Variants in TMEM170B observed in about 807,000 individuals in gnomAD.
The protein encoded by TMEM170B is transmembrane protein 170B.
TMEM170B carries 6 observed loss-of-function variants against 13.0 expected under a neutral mutation model. The observed-to-expected ratio is 0.46, with a 90% confidence interval of 0.25 to 0.91. TMEM170B has a LOEUF of 0.91. Among genes scored for constraint, TMEM170B ranks in the 40% least tolerant of loss-of-function variants. The pLI is 0.17. For synonymous variants in TMEM170B, 61 were observed against 64.9 expected, an observed-to-expected ratio of 0.94 and a Z score of 0.29; for missense variants, 138 against 165.2, an observed-to-expected ratio of 0.84 and a Z score of 0.90.
chr6:11,548,938 G>A (rs1020062379), intron 1 of TMEM170B, among the ~76,000 whole-genome samples: 4 of 132,578 alleles, frequency 3.0e-5, no homozygotes, highest in Non-Finnish European at 6.4e-5. Flanking sequence ...GTGGGGGGAA[G>A]GGGGAGGGAT....
Position 11,577,378 on chromosome 6 carries a change from G to C in TMEM170B, c.*1817G>C, listed in dbSNP as rs1462709361. On this transcript the variant is annotated 3_prime_UTR_variant, in exon 3 of 3. Coordinates refer to ENST00000379426, the MANE Select transcript of TMEM170B (RefSeq NM_001100829.3). ...GTTTTCATGTGTTCTTTATATTCCT[G>C]ATGTTTTTACAAATTAAATTTAGGC... The C allele has an allele frequency of 6.6e-6, 1 of 151,990 alleles. No individual in the cohort carries two copies. Among genetic ancestry groups the C allele is most frequent in the Non-Finnish European group, 1.5e-5 (1 of 67,934 alleles). The allele number at this position is 151,990 out of a possible 1,614,324, so 9.4% of individuals were successfully genotyped here.
At chr6:11,556,713 G>A (rs1759594344) in intron 1 of TMEM170B, among the ~76,000 whole-genome samples, 1 of 152,102 alleles carries the variant, frequency 6.6e-6, no homozygotes. Flanking sequence ...CTGGGTCCTG[G>A]ATGGTTTTCT....
In TMEM170B at chr6:11,581,980, A is replaced by G. The variant is rs1165386677; in HGVS notation, c.*6419A>G. 6.6e-6 allele frequency: 1 copy of G among 152,124 alleles called. No homozygotes were observed. Among genetic ancestry groups the G allele is most frequent in the East Asian group, 1.9e-4 (1 of 5,200 alleles). 9.4% of individuals were successfully genotyped at this position (152,124 alleles called of 1,614,324 possible). On this transcript the variant is annotated 3_prime_UTR_variant, in exon 3 of 3. Coordinates refer to ENST00000379426, the MANE Select transcript of TMEM170B (RefSeq NM_001100829.3). ...CATTTACAATGGAAGAATTTTTTTGAAAGATTTGGCCCTCTCACCAATACA... is the reference window on the plus strand; with the variant it reads ...CATTTACAATGGAAGAATTTTTTTGGAAGATTTGGCCCTCTCACCAATACA...
At chr6:11,553,727 GTTTC>G (rs1179679345) in intron 1 of TMEM170B, among the ~76,000 whole-genome samples, 1 of 152,138 alleles carries the variant, frequency 6.6e-6, no homozygotes, top group African/African-American at 2.4e-5. Context: ...ACATAAACTT[GTTTC>G]TTTAATCTTT....
At chr6:11,568,652 C>A (rs1257515190) in intron 2 of TMEM170B, among the ~76,000 whole-genome samples, 1 of 151,960 alleles carries the variant, frequency 6.6e-6, no homozygotes, top group Non-Finnish European at 1.5e-5. Flanking sequence ...AATTTGTGTC[C>A]ATATTAGCAA....
In TMEM170B at chr6:11,570,805, T is replaced by C. The variant is rs537826198; in HGVS notation, c.269-4626T>C. Reference sequence around the variant, plus strand: ...AGGGCTACACCAGAACCTTAGGAATTGCTATTCTTGGAATGCAAAGATAAT... The same window carrying C: ...AGGGCTACACCAGAACCTTAGGAATCGCTATTCTTGGAATGCAAAGATAAT... On this transcript the variant is annotated intron_variant, in intron 2 of 2. Coordinates refer to ENST00000379426, the MANE Select transcript of TMEM170B (RefSeq NM_001100829.3). Among the ~76,000 whole-genome samples, 6 of 152,300 alleles carry C rather than the reference T, an allele frequency of 3.9e-5. No individual in the cohort carries two copies. In the East Asian group the frequency reaches 1.2e-3, roughly 29 times the overall value.
intron 2 of TMEM170B, among the ~76,000 whole-genome samples, chr6:11,574,783 A>G (rs186899837): frequency 4.6e-5 from 7 of 152,244 alleles, no homozygotes; most frequent in Admixed American, 1.3e-4. Flanking sequence ...TACATTACCT[A>G]AGGAACCTCA....
Position 11,565,782 on chromosome 6 carries a change from G to A in TMEM170B, c.214G>A (p.Val72Ile). ...GCATAGGCAGGGAAGAGTCATCTCTGTCATTGCAGTCAGCATTGGATTTCT... is the reference window on the plus strand; with the variant it reads ...GCATAGGCAGGGAAGAGTCATCTCTATCATTGCAGTCAGCATTGGATTTCT... The part of the protein sequence containing the change: ...QRHRQGRVIS[V>I]IAVSIGFLAS... The change falls in exon 2 of 3, where the codon GTC becomes ATC. Residue 72 changes from valine (V) to isoleucine (I), a missense_variant. Transcript: ENST00000379426. 3 of 1,614,146 alleles carry A rather than the reference G, an allele frequency of 1.9e-6. No homozygotes were observed. In the South Asian group the frequency reaches 3.3e-5, roughly 18 times the overall value.
chr6:11,538,500 C>G, intron 1 of TMEM170B, 126 bp downstream of exon 1: 1 of 704,630 alleles, frequency 1.4e-6, no homozygotes, highest in Non-Finnish European at 2.2e-6. Context: ...AGCTCCAGGT[C>G]CCGGCGAGGA....
chr6:11,566,016 G>A (rs562497860), intron 2 of TMEM170B, among the ~76,000 whole-genome samples, 180 bp downstream of exon 2: 9 of 152,276 alleles, frequency 5.9e-5, no homozygotes, highest in East Asian at 3.9e-4. Flanking sequence ...CAGACAAGTC[G>A]TTGTAATTCT....
intron 2 of TMEM170B, among the ~76,000 whole-genome samples, chr6:11,574,133 CTG>C (rs1759842283): frequency 6.6e-6 from 1 of 152,056 alleles, no homozygotes; most frequent in Admixed American, 6.6e-5. Context: ...GGGCTAGTAA[CTG>C]AACCTCTCTG....
At chr6:11,572,817 A>ATATG (rs922205091) in intron 2 of TMEM170B, among the ~76,000 whole-genome samples, 2 of 152,106 alleles carry the variant, frequency 1.3e-5, no homozygotes, top group Non-Finnish European at 2.9e-5. Context: ...ACACACATAC[A>ATATG]TATGTATGTA....
chr6:11,563,474 G>T (rs1759696719), intron 1 of TMEM170B, among the ~76,000 whole-genome samples: 2 of 152,234 alleles, frequency 1.3e-5, no homozygotes, highest in South Asian at 4.2e-4. Context: ...TTAGCATCCA[G>T]TCCCGCAGGT....
At position 11,581,615 on chromosome 6, in the gene TMEM170B, C is replaced by T. The variant is rs1487573527; in HGVS notation, c.*6054C>T. The stretch of plus-strand genomic sequence containing the variant: ...ATAATCAATCGTCTGAGTCCCATAA[C>T]TGTAACACTTTTTCTCTTATAAATT... On this transcript the variant is annotated 3_prime_UTR_variant, in exon 3 of 3. Transcript: ENST00000379426. The T allele has an allele frequency of 6.6e-6, 1 of 152,204 alleles. No homozygotes were observed. The highest frequency in any genetic ancestry group is 1.9e-4 in the East Asian group (1 of 5,204). The allele number at this position is 152,204 out of a possible 1,614,324, so 9.4% of individuals were successfully genotyped here.
At chr6:11,545,692 G>A (rs1759429071) in intron 1 of TMEM170B, among the ~76,000 whole-genome samples, 1 of 151,670 alleles carries the variant, frequency 6.6e-6, no homozygotes, top group Non-Finnish European at 1.5e-5. Context: ...TGTATTTACT[G>A]TACTAGATTT....
chr6:11,566,676 G>A (rs1759736863), intron 2 of TMEM170B, among the ~76,000 whole-genome samples: 1 of 152,246 alleles, frequency 6.6e-6, no homozygotes, highest in Non-Finnish European at 1.5e-5. Flanking sequence ...ACACAAATGG[G>A]CACTTTGGAG....
chr6:11,538,885 G>A (rs1005574834), intron 1 of TMEM170B, among the ~76,000 whole-genome samples: 3 of 152,222 alleles, frequency 2.0e-5, no homozygotes, highest in Non-Finnish European at 4.4e-5. Context: ...AGATAACTGA[G>A]TAAATTATAG....
chr6:11,556,455 C>G (rs1177082060), intron 1 of TMEM170B, among the ~76,000 whole-genome samples: 3 of 152,144 alleles, frequency 2.0e-5, no homozygotes, highest in Non-Finnish European at 4.4e-5. Flanking sequence ...AGGGGTCTCT[C>G]TCCACACACT....
At chr6:11,551,989 G>T (rs547581260) in intron 1 of TMEM170B, among the ~76,000 whole-genome samples, 1 of 152,106 alleles carries the variant, frequency 6.6e-6, no homozygotes, top group African/African-American at 2.4e-5. Context: ...CATGAATTAC[G>T]TGAATCTGTC....
Sources: gnomAD v4.1 joint callset for allele counts (sites outside exome capture counted in the v4.1 genomes callset) on GRCh38, gnomAD v4.1.1 for gene constraint, MANE v1.5 for transcripts, NCBI Gene and HGNC (gene_info 2026-07-23, HGNC 2026-07-21) for gene names.